KLRG1: variants seen among roughly 807,000 people sequenced by gnomAD.
The protein encoded by KLRG1 is killer cell lectin-like receptor subfamily G member 1.
A neutral mutation model predicts 21.8 loss-of-function variants in KLRG1; 16 were observed. That is an observed-to-expected ratio of 0.73 (90% confidence interval 0.50 to 1.11). The LOEUF is 1.11. KLRG1 is among the 50% of genes most tolerant of loss of function. The pLI, the probability that KLRG1 is intolerant of heterozygous loss-of-function variation, is 0.00. For synonymous variants in KLRG1, 69 were observed against 75.9 expected (o/e 0.91, Z 0.47); for missense variants, 173 against 218.3 (o/e 0.79, Z 1.31).
At chr12:9,178,193 GC>G in the KLRG1 span, among the ~76,000 whole-genome samples, 2 of 152,114 alleles carry the variant, frequency 1.3e-5, no homozygotes, top group Non-Finnish European at 2.9e-5. Context: ...ATATTAAATG[GC>G]AAATTCAGAA....
At chr12:8,991,192 G>A (rs897218845) in intron 1 of KLRG1, among the ~76,000 whole-genome samples, 3 of 152,082 alleles carry the variant, frequency 2.0e-5, no homozygotes, top group African/African-American at 4.8e-5. Flanking sequence ...CTCGTTACAC[G>A]TAATTTCTAC....
the KLRG1 span, among the ~76,000 whole-genome samples, chr12:9,083,994 T>G: frequency 0.55 from 83,803 of 151,972 alleles, 24,669 homozygotes; most frequent in African/African-American, 0.75. Flanking sequence ...TTTTTAGCAG[T>G]AACCCGGCAG....
the KLRG1 span, among the ~76,000 whole-genome samples, chr12:9,134,022 T>A: frequency 3.1e-4 from 47 of 152,290 alleles, no homozygotes; most frequent in African/African-American, 1.1e-3. Context: ...GTAGAGATTG[T>A]CCTAGGAAGT....
At chr12:8,951,827 G>T (rs1003581980) in intron 1 of KLRG1, among the ~76,000 whole-genome samples, 7 of 152,178 alleles carry the variant, frequency 4.6e-5, no homozygotes, top group African/African-American at 1.7e-4. Flanking sequence ...TTGGGCTGGA[G>T]GGGAGGAACT....
the KLRG1 span, chr12:9,127,934 T>TGA: frequency 2.9e-6 from 1 of 344,524 alleles, no homozygotes; most frequent in African/African-American, 2.2e-5. Flanking sequence ...GTGTCACCAT[T>TGA]GAGAACTCCC....
chr12:9,174,501 G>T, the KLRG1 span, among the ~76,000 whole-genome samples: 5 of 152,128 alleles, frequency 3.3e-5, no homozygotes, highest in African/African-American at 1.2e-4. Flanking sequence ...TAAATAAAGT[G>T]TATTCGAATA....
the KLRG1 span, chr12:9,080,459 T>C: frequency 9.0e-6 from 2 of 223,294 alleles, no homozygotes; most frequent in Non-Finnish European, 1.7e-5. Context: ...TGTGATTCAG[T>C]TGCTGTCATC....
the KLRG1 span, among the ~76,000 whole-genome samples, chr12:9,094,821 T>A: frequency 6.6e-6 from 1 of 152,204 alleles, no homozygotes; most frequent in African/African-American, 2.4e-5. Context: ...AGAATTTGAG[T>A]TTATATTACT....
At chr12:9,205,363 GT>G in the KLRG1 span, among the ~76,000 whole-genome samples, 2 of 152,090 alleles carry the variant, frequency 1.3e-5, no homozygotes, top group Non-Finnish European at 2.9e-5. Flanking sequence ...AAGAGAATGT[GT>G]TTTTGTTGTT....
the KLRG1 span, among the ~76,000 whole-genome samples, chr12:9,022,283 C>T: frequency 6.6e-6 from 1 of 152,202 alleles, no homozygotes; most frequent in Admixed American, 6.5e-5. Flanking sequence ...TGCCTCACCA[C>T]AAATACCTGA....
At chr12:9,193,721 G>T in the KLRG1 span, among the ~76,000 whole-genome samples, 2 of 151,924 alleles carry the variant, frequency 1.3e-5, no homozygotes, top group South Asian at 4.2e-4. Context: ...TATATTAAGT[G>T]TGTGTGTGTG....
the KLRG1 span, among the ~76,000 whole-genome samples, chr12:9,197,509 TATA>T: frequency 1.6e-5 from 2 of 126,976 alleles, no homozygotes; most frequent in African/African-American, 6.3e-5. Flanking sequence ...ATATATTATG[TATA>T]ATGTTGAAAA....
chr12:9,150,513 T>C, the KLRG1 span: 1 of 623,226 alleles, frequency 1.6e-6, no homozygotes, highest in South Asian at 2.1e-5. Context: ...AAGTCGTTTT[T>C]ATAGTGTACA....
At chr12:9,153,391 T>A in the KLRG1 span, 2 of 1,513,404 alleles carry the variant, frequency 1.3e-6, no homozygotes, top group South Asian at 2.3e-5. Flanking sequence ...ATTTTTGGCA[T>A]CTGGGATTTT....
chr12:9,201,138 G>A, the KLRG1 span: 1 of 1,539,490 alleles, frequency 6.5e-7, no homozygotes, highest in Non-Finnish European at 8.9e-7. Context: ...TTTTGAAGGT[G>A]ATAATTAGCA....
chr12:9,182,123 A>G, the KLRG1 span: 3 of 1,613,300 alleles, frequency 1.9e-6, no homozygotes, highest in African/African-American at 4.0e-5. Context: ...TTTCACTGGA[A>G]CATGGAGAGA....
At chr12:9,162,359 C>T in the KLRG1 span, 6 of 461,648 alleles carry the variant, frequency 1.3e-5, no homozygotes, top group South Asian at 9.5e-5. Context: ...AAAAGGGCTA[C>T]GTATGAACCA....
At chr12:9,036,128 C>T in the KLRG1 span, among the ~76,000 whole-genome samples, 1 of 152,014 alleles carries the variant, frequency 6.6e-6, no homozygotes, top group Non-Finnish European at 1.5e-5. Flanking sequence ...GCACATGTAC[C>T]CACTGAACCT....
chr12:9,170,115 G>C, the KLRG1 span: 1 of 152,252 alleles, frequency 6.6e-6, no homozygotes, highest in African/African-American at 2.4e-5. The surrounding 1 kb of genome is among the most constrained non-coding windows in gnomAD (Gnocchi z 4.6). Context: ...CTCACATTGA[G>C]ACTGACTAGG....
Sources: allele counts gnomAD v4.1 joint callset (sites outside exome capture counted in the v4.1 genomes callset), GRCh38; gene constraint gnomAD v4.1.1; non-coding constraint Gnocchi (gnomAD v3.1); transcripts MANE v1.5; gene names NCBI Gene and HGNC (gene_info 2026-07-23, HGNC 2026-07-21).